Variants in PRTG observed in about 807,000 individuals in gnomAD.
The protein encoded by PRTG is immunoglobulin superfamily, DCC subclass, member 5.
PRTG carries 67 observed loss-of-function variants against 122.5 expected under a neutral mutation model. That is an observed-to-expected ratio of 0.55 (90% confidence interval 0.45 to 0.67). The LOEUF (loss-of-function observed/expected upper bound fraction) is 0.67, where lower values mean the gene tolerates loss of function less well. PRTG is among the 30% of genes least tolerant of loss of function. PRTG has a pLI of 0.00. For missense variants in PRTG, 1,435 were observed against 1,415.4 expected (o/e 1.01, Z -0.22); for synonymous variants, 554 against 501.1 (o/e 1.11, Z -1.41).
At chr15:55,646,280 C>A (rs770828392) in intron 11 of PRTG, among the ~76,000 whole-genome samples, 1 of 148,300 alleles carries the variant, frequency 6.7e-6, no homozygotes, top group Non-Finnish European at 1.5e-5. Context: ...CCAAAGTGCC[C>A]GGATTACAGG....
At position 55,635,074 on chromosome 15, in the gene PRTG, GGT is replaced by G. The variant is rs869048936; in HGVS notation, c.2623+2094_2623+2095del. Among the ~76,000 whole-genome samples, 41 of 135,410 alleles carry G rather than the reference GGT, an allele frequency of 3.0e-4. 1 individual carries two copies. Among genetic ancestry groups the G allele is most frequent in the African/African-American group, 1.2e-3 (40 of 34,282 alleles). 88.8% of individuals were successfully genotyped at this position (135,410 alleles called of 152,430 possible). On this transcript the variant is annotated intron_variant, in intron 15 of 19. Transcript: ENST00000389286. ...GGGGAGCCCTCTGTTGTTGGTTCTG[GGT>G]GTGTGTGTGTGTGTGTGTGTGTGTG...
chr15:55,623,836 T>G (rs1031609033), intron 18 of PRTG, among the ~76,000 whole-genome samples: 1 of 152,206 alleles, frequency 6.6e-6, no homozygotes, highest in Admixed American at 6.5e-5. Flanking sequence ...ACAACTTTCT[T>G]CAGCCATAAA....
Position 55,680,586 on chromosome 15 carries a change from C to T in PRTG, c.719G>A (p.Gly240Asp), listed in dbSNP as rs561535461. The part of the protein sequence containing the change: ...KSFHTPTIIA[G>D]PQNITTSLHQ... Reference sequence around the variant, plus strand: ...AAGAGATGTTGTTATGTTCTGTGGACCTGCTATAATTGTTGGTGTGTGGAA... The same window carrying T: ...AAGAGATGTTGTTATGTTCTGTGGATCTGCTATAATTGTTGGTGTGTGGAA... The change falls in exon 5 of 20, where the codon GGT becomes GAT. Residue 240 changes from glycine to aspartate, a missense_variant. By Grantham distance (94) the Gly-to-Asp change is moderately conservative. Transcript: ENST00000389286. 3 of 1,584,012 alleles carry T rather than the reference C, an allele frequency of 1.9e-6. No individual in the cohort carries two copies. Among genetic ancestry groups the T allele is most frequent in the East Asian group, 2.3e-5 (1 of 44,252 alleles).
intron 2 of PRTG, among the ~76,000 whole-genome samples, chr15:55,696,460 C>T (rs1428155368): frequency 6.6e-6 from 1 of 152,202 alleles, no homozygotes; most frequent in East Asian, 1.9e-4. Context: ...GTCTGATTCA[C>T]TCTGAGGCTT....
intron 2 of PRTG, among the ~76,000 whole-genome samples, chr15:55,720,904 T>TA (rs2030796131): frequency 6.6e-6 from 1 of 152,144 alleles, no homozygotes; most frequent in African/African-American, 2.4e-5. Flanking sequence ...AAGCTTGCTT[T>TA]AGGTCATGCC....
chr15:55,739,901 A>C (rs12442771), intron 2 of PRTG, among the ~76,000 whole-genome samples: 1 of 152,134 alleles, frequency 6.6e-6, no homozygotes, highest in South Asian at 2.1e-4. Flanking sequence ...ATGCCCTCTC[A>C]TACAATTAAA....
At chr15:55,704,111 T>C (rs1490026978) in intron 2 of PRTG, among the ~76,000 whole-genome samples, 1 of 152,268 alleles carries the variant, frequency 6.6e-6, no homozygotes, top group Non-Finnish European at 1.5e-5. Context: ...GCTTTGTCTT[T>C]ACCAAGACCA....
intron 2 of PRTG, among the ~76,000 whole-genome samples, chr15:55,738,000 C>CTATA (rs1482548516): frequency 1.5e-5 from 1 of 66,946 alleles, no homozygotes; most frequent in Non-Finnish European, 3.5e-5. Context: ...CTCTCTCTCT[C>CTATA]TCTATATATA....
At position 55,614,313 on chromosome 15, in the gene PRTG, G is replaced by A. The variant is rs1464454662; in HGVS notation, c.*5699C>T. On this transcript the variant is annotated 3_prime_UTR_variant, in exon 20 of 20. Coordinates refer to ENST00000389286, the MANE Select transcript of PRTG (RefSeq NM_173814.6). ...TATACATGCTGATGGCATAAGGAGA[G>A]GCTCTTGCTGAGAAGGATGGGGAAT... 4 of 152,086 alleles carry A rather than the reference G, an allele frequency of 2.6e-5. No homozygotes were observed. The highest frequency in any genetic ancestry group is 5.9e-5 in the Non-Finnish European group (4 of 67,986). The allele number at this position is 152,086 out of a possible 1,614,324, so 9.4% of individuals were successfully genotyped here. A position where few individuals can be genotyped will look rare whatever the true frequency, so the allele number is the denominator to read the frequency against.
chr15:55,734,169 G>C (rs1249838792), intron 2 of PRTG, among the ~76,000 whole-genome samples: 1 of 152,200 alleles, frequency 6.6e-6, no homozygotes, highest in African/African-American at 2.4e-5. Flanking sequence ...CAAAATGTCA[G>C]TTGTGCCAAG....
At chr15:55,672,361 T>A in intron 11 of PRTG, 84 bp downstream of exon 11, 1 of 1,059,564 alleles carries the variant, frequency 9.4e-7, no homozygotes, top group Non-Finnish European at 1.4e-6. Context: ...TTAAGTAAGT[T>A]CTCCTGCTTT....
chr15:55,629,043 CT>C, intron 15 of PRTG, 39 bp from the exon 16 acceptor site: 1 of 1,410,678 alleles, frequency 7.1e-7, no homozygotes. Flanking sequence ...GAACATTTAT[CT>C]TTTATTCTTT....
chr15:55,640,589 T>C (rs1325079894), intron 12 of PRTG, among the ~76,000 whole-genome samples: 1 of 152,190 alleles, frequency 6.6e-6, no homozygotes, highest in Non-Finnish European at 1.5e-5. Context: ...CTTTAAAAAA[T>C]TTGGTATGTA....
intron 8 of PRTG, among the ~76,000 whole-genome samples, chr15:55,676,744 T>C (rs955754763): frequency 1.3e-5 from 2 of 152,152 alleles, no homozygotes; most frequent in South Asian, 4.1e-4. Flanking sequence ...GAAACAACCA[T>C]AATAGGGAAC....
chr15:55,662,052 A>C (rs564000223), intron 11 of PRTG, among the ~76,000 whole-genome samples: 5 of 152,324 alleles, frequency 3.3e-5, no homozygotes, highest in South Asian at 2.1e-4. Flanking sequence ...AGGAAAAAAA[A>C]CTCAAAATTC....
intron 18 of PRTG, among the ~76,000 whole-genome samples, chr15:55,621,324 C>A (rs2059164851): frequency 1.3e-5 from 2 of 152,070 alleles, no homozygotes; most frequent in South Asian, 2.1e-4. Context: ...GCACTCCAGC[C>A]TGGGCAACAG....
intron 2 of PRTG, among the ~76,000 whole-genome samples, chr15:55,727,384 CAGAT>C: frequency 6.6e-6 from 1 of 152,116 alleles, no homozygotes; most frequent in East Asian, 1.9e-4. Context: ...ACTGACAAAT[CAGAT>C]AGCCTAGATG....
chr15:55,728,430 C>T (rs1257644337), intron 2 of PRTG, among the ~76,000 whole-genome samples: 1 of 152,138 alleles, frequency 6.6e-6, no homozygotes, highest in African/African-American at 2.4e-5. Flanking sequence ...ATTTATCTCA[C>T]TTTTATCCCA....
At chr15:55,670,529 T>C (rs1471672036) in intron 11 of PRTG, among the ~76,000 whole-genome samples, 1 of 152,198 alleles carries the variant, frequency 6.6e-6, no homozygotes, top group Non-Finnish European at 1.5e-5. Flanking sequence ...TCAGTGGCAG[T>C]AGGTTGGGCT....
Sources: gnomAD v4.1 joint callset for allele counts (sites outside exome capture counted in the v4.1 genomes callset) on GRCh38, gnomAD v4.1.1 for gene constraint, MANE v1.5 for transcripts, NCBI Gene and HGNC (gene_info 2026-07-23, HGNC 2026-07-21) for gene names.